FRAS1: variants seen among roughly 807,000 people sequenced by gnomAD.
FRAS1 encodes the protein extracellular matrix organizing protein FRAS1.
Under a neutral mutation model 435.2 loss-of-function variants are expected in FRAS1, and 290 were observed. The ratio of observed to expected loss-of-function variants is 0.67; its 90% CI spans 0.61 to 0.73. The LOEUF (loss-of-function observed/expected upper bound fraction) is 0.73, where lower values mean the gene tolerates loss of function less well. Ranked by LOEUF, FRAS1 falls within the 30% of genes least tolerant of loss-of-function variation. FRAS1 has a pLI of 0.00. For synonymous variants in FRAS1, 1,800 were observed against 1,851.0 expected (o/e 0.97, Z 0.71); for missense variants, 4,860 against 5,001.5 (o/e 0.97, Z 0.85).
intron 30 of FRAS1, among the ~76,000 whole-genome samples, chr4:78,404,909 A>G (rs1457566102): frequency 6.6e-6 from 1 of 152,186 alleles, no homozygotes; most frequent in Admixed American, 6.5e-5. Flanking sequence ...CATGTTGTGT[A>G]TTCTAAATCG....
In FRAS1 at chr4:78,408,278, C is replaced by T. The variant is rs956829262; in HGVS notation, c.4308+437C>T. Among the ~76,000 whole-genome samples the T allele has an allele frequency of 5.3e-5, 8 of 152,142 alleles. No individual in the cohort carries two copies. In the South Asian group the frequency reaches 1.2e-3, roughly 24 times the overall value. ...GAATTATGGGAGCTATGATTCAAGACGAGAATTGGATGGGGACACTGATAT... is the reference window on the plus strand; with the variant it reads ...GAATTATGGGAGCTATGATTCAAGATGAGAATTGGATGGGGACACTGATAT... On this transcript the variant is annotated intron_variant, in intron 31 of 73. Transcript: ENST00000512123.
rs528331335 is a variant in FRAS1 at position 78,235,544 on chromosome 4, A to G, written c.109-1966A>G. Among the ~76,000 whole-genome samples the G allele has an allele frequency of 5.3e-5, 8 of 152,342 alleles. No homozygotes were observed. In the South Asian group the frequency reaches 1.2e-3, roughly 24 times the overall value. On this transcript the variant is annotated intron_variant, in intron 2 of 73. Coordinates refer to ENST00000512123, the MANE Select transcript of FRAS1 (RefSeq NM_025074.7). ...GCCTTCATTAAGCAACTTAGGAACT[A>G]TGAACTCTTGCTTCCTAAGGATCTA...
chr4:78,224,786 C>T (rs1724200567), intron 2 of FRAS1, among the ~76,000 whole-genome samples: 1 of 152,132 alleles, frequency 6.6e-6, no homozygotes, highest in Admixed American at 6.5e-5. Context: ...CCTCCCTCAG[C>T]GTCCCAAAGT....
chr4:78,096,836 C>G (rs915213922), intron 2 of FRAS1, among the ~76,000 whole-genome samples: 2 of 152,230 alleles, frequency 1.3e-5, no homozygotes, highest in Admixed American at 6.5e-5. Flanking sequence ...CTGATACGCC[C>G]TGGAGACATC....
chr4:78,152,955 C>G (rs1265449268), intron 2 of FRAS1, among the ~76,000 whole-genome samples: 2 of 152,094 alleles, frequency 1.3e-5, no homozygotes, highest in African/African-American at 4.8e-5. Context: ...GCACAGAGCT[C>G]TCCCTTTTTT....
intron 20 of FRAS1, among the ~76,000 whole-genome samples, chr4:78,343,500 G>A (rs186801295): frequency 4.1e-5 from 6 of 144,902 alleles, no homozygotes; most frequent in Non-Finnish European, 9.0e-5. Flanking sequence ...GAGAGGTCAC[G>A]CAAGGAGGTG....
intron 38 of FRAS1, among the ~76,000 whole-genome samples, chr4:78,433,420 A>G (rs1224101439): frequency 6.6e-6 from 1 of 152,214 alleles, no homozygotes; most frequent in African/African-American, 2.4e-5. Flanking sequence ...TCCTTTACTA[A>G]TCTTAAAGTT....
rs762705894 is a variant in FRAS1 at position 78,374,157 on chromosome 4, C to G, written c.3057C>G (p.Thr1019=). ...CLQCQGPHEC[T]RCKGPFLLLE... ...AGTGCCAAGGTCCCCATGAGTGTACCCGCTGCAAAGGGCCATTTCTCCTCT... is the reference window on the plus strand; with the variant it reads ...AGTGCCAAGGTCCCCATGAGTGTACGCGCTGCAAAGGGCCATTTCTCCTCT... The change falls in exon 25 of 74, where the codon ACC becomes ACG. Residue 1019 remains threonine (T), a synonymous_variant. Coordinates refer to ENST00000512123, the MANE Select transcript of FRAS1 (RefSeq NM_025074.7). The G allele has an allele frequency of 3.7e-6, 6 of 1,605,272 alleles. No individual in the cohort carries two copies. The highest frequency in any genetic ancestry group is 1.7e-5 in the Admixed American group (1 of 59,872).
intron 12 of FRAS1, among the ~76,000 whole-genome samples, chr4:78,283,683 T>C (rs576084045): frequency 6.6e-6 from 1 of 152,356 alleles, no homozygotes; most frequent in Admixed American, 6.5e-5. Context: ...TCAGCTTATT[T>C]TGGCTAATTG....
intron 15 of FRAS1, among the ~76,000 whole-genome samples, chr4:78,314,268 C>T (rs1578246845): frequency 6.6e-6 from 1 of 152,150 alleles, no homozygotes; most frequent in African/African-American, 2.4e-5. Flanking sequence ...AGTTACATTA[C>T]TCCCTGGATT....
chr4:78,410,455 A>G (rs1010801150), intron 31 of FRAS1, among the ~76,000 whole-genome samples: 1 of 58,130 alleles, frequency 1.7e-5, no homozygotes, highest in Admixed American at 1.7e-4. Flanking sequence ...ATAATGATTT[A>G]AAAAAAACTC....
intron 2 of FRAS1, among the ~76,000 whole-genome samples, chr4:78,104,544 G>T (rs17453030): frequency 1.3e-5 from 2 of 152,096 alleles, no homozygotes; most frequent in Non-Finnish European, 2.9e-5. Flanking sequence ...AGATTAAATG[G>T]TTCACCATAT....
intron 3 of FRAS1, among the ~76,000 whole-genome samples, chr4:78,239,777 A>G (rs975649143): frequency 3.9e-5 from 6 of 152,160 alleles, no homozygotes; most frequent in African/African-American, 1.4e-4. Context: ...TGTGCCTGGT[A>G]TGCATATATA....
At chr4:78,235,059 G>A (rs966938954) in intron 2 of FRAS1, among the ~76,000 whole-genome samples, 1 of 152,176 alleles carries the variant, frequency 6.6e-6, no homozygotes, top group African/African-American at 2.4e-5. Context: ...GGGCAGAAAT[G>A]CTATATTTTA....
chr4:78,114,160 A>C (rs1742959959), intron 2 of FRAS1, among the ~76,000 whole-genome samples: 1 of 152,138 alleles, frequency 6.6e-6, no homozygotes, highest in South Asian at 2.1e-4. Context: ...ATTACTTCTG[A>C]GGGCTCTGTT....
intron 14 of FRAS1, among the ~76,000 whole-genome samples, chr4:78,300,756 T>C (rs1728350875): frequency 1.3e-5 from 2 of 152,114 alleles, no homozygotes; most frequent in South Asian, 4.2e-4. Context: ...GCTGCAGCCA[T>C]GATTCATGCC....
At chr4:78,475,872 C>T (rs1244435116) in intron 54 of FRAS1, among the ~76,000 whole-genome samples, 1 of 152,188 alleles carries the variant, frequency 6.6e-6, no homozygotes, top group African/African-American at 2.4e-5. Context: ...AAGAAGTCTC[C>T]AAGCATCATG....
Position 78,541,155 on chromosome 4 carries a change from A to G in FRAS1, c.*31A>G. 1 of 1,226,866 alleles carries G rather than the reference A, an allele frequency of 8.2e-7. No individual in the cohort carries two copies. The highest frequency in any genetic ancestry group is 1.1e-6 in the Non-Finnish European group (1 of 944,486). 76.0% of individuals were successfully genotyped at this position (1,226,866 alleles called of 1,614,324 possible). The stretch of plus-strand genomic sequence containing the variant: ...GAGACCTATGTGTATTTTTTTCTAA[A>G]ATCATTTTTATAAAATGGGGGGAAA... On this transcript the variant is annotated 3_prime_UTR_variant, in exon 74 of 74. Coordinates refer to ENST00000512123, the MANE Select transcript of FRAS1 (RefSeq NM_025074.7).
At chr4:78,154,215 G>A (rs1720787564) in intron 2 of FRAS1, among the ~76,000 whole-genome samples, 1 of 151,978 alleles carries the variant, frequency 6.6e-6, no homozygotes, top group Admixed American at 6.6e-5. Flanking sequence ...TATCGGGGTT[G>A]GTGTCTTGAG....
Sources: allele counts gnomAD v4.1 joint callset (sites outside exome capture counted in the v4.1 genomes callset), GRCh38; gene constraint gnomAD v4.1.1; transcripts MANE v1.5; gene names NCBI Gene and HGNC (gene_info 2026-07-23, HGNC 2026-07-21).